Variants in ACACB observed in about 807,000 individuals in gnomAD.
ACACB encodes acetyl-CoA carboxylase 2.
A neutral mutation model predicts 278.8 loss-of-function variants in ACACB; 209 were observed. That is an observed-to-expected ratio of 0.75 (90% CI 0.67 to 0.84). ACACB has a LOEUF of 0.84. Among genes scored for constraint, ACACB ranks in the 40% least tolerant of loss-of-function variants. ACACB has a pLI of 0.00. For missense variants in ACACB, 2,850 were observed against 3,269.0 expected (o/e 0.87, Z 3.13); for synonymous variants, 1,174 against 1,285.6 (o/e 0.91, Z 1.86).
At position 109,232,824 on chromosome 12, in the gene ACACB, G is replaced by A. The variant is rs762339682; in HGVS notation, c.4139+18G>A. 6.2e-7 allele frequency: 1 copy of A among 1,613,526 alleles called. No homozygotes were observed. Among genetic ancestry groups the A allele is most frequent in the South Asian group, 1.1e-5 (1 of 91,034 alleles). On this transcript the variant is annotated intron_variant, in intron 29 of 52. Coordinates refer to ENST00000338432, the MANE Select transcript of ACACB (RefSeq NM_001093.4). ...TTCACCAGGTACCCAGCATGGCCCG[G>A]TCTCCAACACCCTGAGCATGGGGGC...
chr12:109,226,437 T>C (rs918150934), intron 27 of ACACB, among the ~76,000 whole-genome samples: 1 of 152,150 alleles, frequency 6.6e-6, no homozygotes, highest in East Asian at 1.9e-4. Context: ...CGGTGGCTCA[T>C]GCCTGTAATC....
chr12:109,134,985 A>T (rs1170395480), intron 1 of ACACB, among the ~76,000 whole-genome samples: 1 of 152,192 alleles, frequency 6.6e-6, no homozygotes, highest in Non-Finnish European at 1.5e-5. Flanking sequence ...TAGTACTGCT[A>T]TGTATTTGTT....
rs374593915 is a variant in ACACB, at chr12:109,262,515, C to T, written c.6787+46C>T. ...TCACCTCTCAGAGGTCAAGAGAGGC[C>T]CAGCTGGCCCACTGCTGGGGGTTTC... On this transcript the variant is annotated intron_variant, in intron 49 of 52. Transcript: ENST00000338432. The T allele has an allele frequency of 1.8e-5, 24 of 1,302,692 alleles. No individual in the cohort carries two copies. The African/African-American group carries it at 2.8e-4, about 15-fold the overall frequency. 80.7% of individuals were successfully genotyped at this position (1,302,692 alleles called of 1,614,324 possible).
At position 109,209,357 on chromosome 12, in the gene ACACB, C is replaced by T. The variant is rs371433574; in HGVS notation, c.3249+4C>T. 217 of 1,605,408 alleles carry T rather than the reference C, an allele frequency of 1.4e-4. No homozygotes were observed. The highest frequency in any genetic ancestry group is 1.4e-4 in the Non-Finnish European group (162 of 1,175,768). On this transcript the variant is annotated splice_donor_region_variant and intron_variant, in intron 21 of 52. Transcript: ENST00000338432. ...GTGCCAGTTCCCCAGCCAGCAGGTG[C>T]GTGCTCCCCTGCCCAGCCCCACCCC...
Position 109,194,512 on chromosome 12 carries a change from A to ATGTGTGTGTGTGTGTGTG in ACACB, c.2481+803_2481+820dup, listed in dbSNP as rs370227666. Among the ~76,000 whole-genome samples, 55 of 88,808 alleles carry ATGTGTGTGTGTGTGTGTG rather than the reference A, an allele frequency of 6.2e-4. 2 individuals are homozygous for ATGTGTGTGTGTGTGTGTG. Among genetic ancestry groups the ATGTGTGTGTGTGTGTGTG allele is most frequent in the African/African-American group, 1.9e-3 (45 of 23,376 alleles). The allele number at this position is 88,808 out of a possible 152,430, so 58.3% of individuals were successfully genotyped here. A position where few individuals can be genotyped will look rare whatever the true frequency, so the allele number is the denominator to read the frequency against. On this transcript the variant is annotated intron_variant, in intron 16 of 52. Coordinates refer to ENST00000338432, the MANE Select transcript of ACACB (RefSeq NM_001093.4). ...CCCCAACCTCTGCCTCTGTGTGTGC[A>ATGTGTGTGTGTGTGTGTG]TGTGTGTGTGTGTGTGTGTGTGTGT...
chr12:109,210,052 C>T (rs750588860), intron 21 of ACACB, among the ~76,000 whole-genome samples: 9 of 83,494 alleles, frequency 1.1e-4, no homozygotes, highest in African/African-American at 3.0e-4. Context: ...TGTATATATA[C>T]ACACACGTGT....
At chr12:109,258,448 C>A in intron 46 of ACACB, 84 bp downstream of exon 46, 1 of 1,136,154 alleles carries the variant, frequency 8.8e-7, no homozygotes, top group Admixed American at 2.1e-5. Flanking sequence ...CCCATCCCTG[C>A]CCTGCCAACT....
At chr12:109,187,354 C>T (rs1308859898) in intron 12 of ACACB, among the ~76,000 whole-genome samples, 2 of 152,258 alleles carry the variant, frequency 1.3e-5, no homozygotes, top group East Asian at 3.9e-4. Context: ...GTCAGAATGT[C>T]CCTTCACTCA....
At chr12:109,112,906 C>T (rs1353137495), upstream of ACACB, among the ~76,000 whole-genome samples, 1 of 152,110 alleles carries the variant, frequency 6.6e-6, no homozygotes, top group Non-Finnish European at 1.5e-5. Context: ...ACCCGTTCTC[C>T]GTGGGAACTG....
chr12:109,174,271 C>T (rs753238486), intron 7 of ACACB, 41 bp downstream of exon 7: 5 of 1,513,028 alleles, frequency 3.3e-6, no homozygotes, highest in Non-Finnish European at 4.5e-6. Context: ...GCTTCTCAGC[C>T]CAGTCTTGAT....
intron 27 of ACACB, among the ~76,000 whole-genome samples, chr12:109,226,309 G>C (rs1423197783): frequency 6.6e-6 from 1 of 152,050 alleles, no homozygotes; most frequent in African/African-American, 2.4e-5. Flanking sequence ...TACACAGCTT[G>C]TGTTATATTT....
Position 109,239,999 on chromosome 12 carries a change from A to G in ACACB, c.4818+14A>G, listed in dbSNP as rs1028790622. 6.2e-7 allele frequency: 1 copy of G among 1,611,058 alleles called. No homozygotes were observed. Among genetic ancestry groups the G allele is most frequent in the African/African-American group, 1.3e-5 (1 of 74,792 alleles). On this transcript the variant is annotated intron_variant, in intron 35 of 52. Transcript: ENST00000338432. ...GACCCCTTCAAGGTCTCGCCTTTGCAGGGGGGCTCTCACCGGGCTCTGGGT... is the reference window on the plus strand; with the variant it reads ...GACCCCTTCAAGGTCTCGCCTTTGCGGGGGGGCTCTCACCGGGCTCTGGGT...
Position 109,245,618 on chromosome 12 carries a change from C to T in ACACB, c.5179-8C>T, listed in dbSNP as rs2046918715. The T allele has an allele frequency of 6.2e-7, 1 of 1,611,130 alleles. No homozygotes were observed. The highest frequency in any genetic ancestry group is 1.3e-5 in the African/African-American group (1 of 74,720). On this transcript the variant is annotated splice_region_variant and splice_polypyrimidine_tract_variant and intron_variant, in intron 37 of 52. Coordinates refer to ENST00000338432, the MANE Select transcript of ACACB (RefSeq NM_001093.4). The stretch of plus-strand genomic sequence containing the variant: ...TCAAGTTTTTTCTCTTTCCTCTTCT[C>T]TCCCCAGGCTCTCTTTAAACTGTGG...
Position 109,266,512 on chromosome 12 carries a change from C to T in ACACB, c.*150C>T. ...GGGCTGCTGGTTCCGAGCTGACACC[C>T]GTCTTAACAAAAGGCCCAGGAGTGC... is the stretch of plus-strand genomic sequence containing the variant. On this transcript the variant is annotated 3_prime_UTR_variant, in exon 53 of 53. Transcript: ENST00000338432. The T allele has an allele frequency of 2.0e-6, 2 of 1,017,932 alleles. No individual in the cohort carries two copies. Among genetic ancestry groups the T allele is most frequent in the East Asian group, 3.1e-5 (1 of 32,282 alleles). The allele number at this position is 1,017,932 out of a possible 1,614,324, so 63.1% of individuals were successfully genotyped here.
chr12:109,185,664 T>C lies in ACACB; in HGVS notation c.1904T>C (p.Phe635Ser). Residue 635 changes from phenylalanine to serine, a missense_variant, in exon 12 of 53, where the codon TTT becomes TCT. Physicochemically the swap from Phe to Ser is radical, Grantham distance 155. Around this residue, in one of 3 missense-constraint regions of ACACB, gnomAD observed 2,265 missense variants for 2,561.3 expected, o/e 0.88. Transcript: ENST00000338432. Reference protein sequence around the residue: ...ESPWGVTPISFETPSNPPLAR... With the variant: ...ESPWGVTPISSETPSNPPLAR... ...CCATGGGGAGTGACTCCCATTTCTTTTGAAACCCCCTCAAACCCTCCCCTC... is the reference window on the plus strand; with the variant it reads ...CCATGGGGAGTGACTCCCATTTCTTCTGAAACCCCCTCAAACCCTCCCCTC... The C allele has an allele frequency of 6.2e-7, 1 of 1,614,000 alleles. No individual in the cohort carries two copies. Among genetic ancestry groups the C allele is most frequent in the Non-Finnish European group, 8.5e-7 (1 of 1,179,958 alleles).
chr12:109,257,719 C>T (rs531828183), intron 45 of ACACB, among the ~76,000 whole-genome samples: 13 of 152,162 alleles, frequency 8.5e-5, no homozygotes, highest in African/African-American at 2.6e-4. Context: ...TAGAGGTGTG[C>T]GCCACCACAC....
At position 109,179,973 on chromosome 12, in the gene ACACB, C is replaced by T; in HGVS notation, c.1704C>T (p.Tyr568=). The T allele has an allele frequency of 6.2e-7, 1 of 1,614,034 alleles. No homozygotes were observed. The highest frequency in any genetic ancestry group is 8.5e-7 in the Non-Finnish European group (1 of 1,180,014). ...VGYVSAGTVE[Y]LYSQDGSFHF... Reference sequence around the variant, plus strand: ...ATGTGAGTGCAGGGACAGTGGAATACCTCTATAGTCAGGATGGCAGCTTCC... The same window carrying T: ...ATGTGAGTGCAGGGACAGTGGAATATCTCTATAGTCAGGATGGCAGCTTCC... The change falls in exon 11 of 53, where the codon TAC becomes TAT. Residue 568 remains tyrosine, a synonymous_variant. Coordinates refer to ENST00000338432, the MANE Select transcript of ACACB (RefSeq NM_001093.4).
At chr12:109,251,953 A>G in intron 41 of ACACB, 93 bp from the exon 42 acceptor site, 1 of 906,454 alleles carries the variant, frequency 1.1e-6, no homozygotes, top group Non-Finnish European at 1.6e-6. Context: ...CATAACTTCC[A>G]TTTGGTCCCA....
chr12:109,141,852 G>A (rs1228462023), intron 2 of ACACB, among the ~76,000 whole-genome samples: 1 of 152,136 alleles, frequency 6.6e-6, no homozygotes, highest in Non-Finnish European at 1.5e-5. Flanking sequence ...CAGCTGGAGT[G>A]GGGTTCAGTC....
Sources: gnomAD v4.1 joint callset for allele counts (sites outside exome capture counted in the v4.1 genomes callset) on GRCh38, gnomAD v4.1.1 for gene constraint, gnomAD v4.1.1 regional missense constraint, MANE v1.5 for transcripts, NCBI Gene and HGNC (gene_info 2026-07-23, HGNC 2026-07-21) for gene names.